Variants in RBM6 observed in about 807,000 individuals in gnomAD.
RBM6 encodes RNA binding motif protein 6.
RBM6 carries 23 observed loss-of-function variants against 140.4 expected under a neutral mutation model. The observed-to-expected ratio is 0.16, with a 90% CI of 0.12 to 0.23. RBM6 has a LOEUF of 0.23. Among genes scored for constraint, RBM6 ranks in the 10% least tolerant of loss-of-function variants. The pLI, the probability that RBM6 is intolerant of heterozygous loss-of-function variation, is 1.00. For synonymous variants in RBM6, 439 were observed against 475.6 expected, an observed-to-expected ratio of 0.92 and a Z score of 1.00; for missense variants, 1,139 against 1,386.7, an observed-to-expected ratio of 0.82 and a Z score of 2.84.
chr3:50,058,831 G>A lies in RBM6; in HGVS notation c.2130+269G>A, dbSNP rs375961840. Reference sequence around the variant, plus strand: ...CTCGGGAGGCTGAGGCAGGAGAATGGCGTGAACTCCGGAGGCGGAGCTTGC... The same window carrying A: ...CTCGGGAGGCTGAGGCAGGAGAATGACGTGAACTCCGGAGGCGGAGCTTGC... On this transcript the variant is annotated intron_variant, in intron 10 of 20. Coordinates refer to ENST00000266022, the MANE Select transcript of RBM6 (RefSeq NM_005777.3). 1.4e-4 allele frequency: 33 copies of A among 232,058 alleles called. No homozygotes were observed. In the East Asian group the frequency reaches 1.9e-3, roughly 13 times the overall value. The allele number at this position is 232,058 out of a possible 1,614,324, so 14.4% of individuals were successfully genotyped here. A position where few individuals can be genotyped will look rare whatever the true frequency, so the allele number is the denominator to read the frequency against.
At chr3:49,960,849 C>T (rs2883057) in intron 1 of RBM6, among the ~76,000 whole-genome samples, 77,270 of 151,438 alleles carry the variant, frequency 0.51, 20,795 homozygotes, top group African/African-American at 0.64. Flanking sequence ...TAAATACTTA[C>T]TTCATGTAGT....
At chr3:49,991,485 G>A (rs1045418606) in intron 5 of RBM6, among the ~76,000 whole-genome samples, 1 of 152,146 alleles carries the variant, frequency 6.6e-6, no homozygotes, top group African/African-American at 2.4e-5. Context: ...AAGCTATCTA[G>A]GGGCTTTCCA....
intron 2 of RBM6, among the ~76,000 whole-genome samples, chr3:49,963,248 T>C (rs970141176): frequency 5.9e-5 from 9 of 152,130 alleles, no homozygotes; most frequent in African/African-American, 2.2e-4. Context: ...ATTTGTTTGT[T>C]TTTTGAGACA....
At chr3:50,026,109 C>T (rs1226010414) in intron 6 of RBM6, among the ~76,000 whole-genome samples, 1 of 150,748 alleles carries the variant, frequency 6.6e-6, no homozygotes, top group African/African-American at 2.4e-5. Flanking sequence ...TTTTTTGAGA[C>T]GGAATCTCGC....
At chr3:50,071,388 T>G (rs1184082432) in intron 19 of RBM6, among the ~76,000 whole-genome samples, 20 of 152,234 alleles carry the variant, frequency 1.3e-4, no homozygotes, top group Non-Finnish European at 1.5e-5. Context: ...AGCAGGGTAT[T>G]GACTTAGCTT....
chr3:49,982,261 T>C (rs1036683021), intron 5 of RBM6, among the ~76,000 whole-genome samples: 55 of 146,324 alleles, frequency 3.8e-4, no homozygotes, highest in Non-Finnish European at 6.1e-4. Context: ...TCTTTTCTTT[T>C]CTTTTTTTTT....
intron 10 of RBM6, 143 bp downstream of exon 10, chr3:50,058,705 G>A: frequency 1.3e-6 from 1 of 766,894 alleles, no homozygotes; most frequent in Non-Finnish European, 2.1e-6. Flanking sequence ...ACGAGGTCAG[G>A]AAATCAAGAC....
intron 13 of RBM6, 28 bp from the exon 14 acceptor site, chr3:50,061,434 A>C: frequency 6.3e-7 from 1 of 1,587,190 alleles, no homozygotes; most frequent in Non-Finnish European, 8.5e-7. Context: ...ACAGAGACTA[A>C]CATTGGCTCT....
At chr3:50,022,204 A>G (rs2087527481) in intron 6 of RBM6, among the ~76,000 whole-genome samples, 1 of 152,160 alleles carries the variant, frequency 6.6e-6, no homozygotes, top group Admixed American at 6.6e-5. Flanking sequence ...TATTTTAACA[A>G]AATACTTGTA....
chr3:50,023,142 G>A (rs552331034), intron 6 of RBM6, among the ~76,000 whole-genome samples: 10 of 151,890 alleles, frequency 6.6e-5, no homozygotes, highest in Non-Finnish European at 8.8e-5. Context: ...GAGTATATTC[G>A]CTGAATACGA....
intron 5 of RBM6, among the ~76,000 whole-genome samples, chr3:49,990,219 T>C (rs1328331109): frequency 6.6e-6 from 1 of 152,178 alleles, no homozygotes; most frequent in African/African-American, 2.4e-5. Flanking sequence ...AGGGTATATT[T>C]ACACAAACTA....
chr3:50,040,018 G>A (rs913639743), intron 6 of RBM6, among the ~76,000 whole-genome samples: 4 of 152,084 alleles, frequency 2.6e-5, no homozygotes, highest in African/African-American at 9.7e-5. Context: ...CAAGACTACG[G>A]ATCCCTGGTT....
chr3:49,979,428 T>C (rs2085201678), intron 5 of RBM6, among the ~76,000 whole-genome samples: 1 of 151,694 alleles, frequency 6.6e-6, no homozygotes, highest in South Asian at 2.1e-4. Context: ...GATGTGTATT[T>C]GCTTACTTTG....
At chr3:49,955,054 C>T (rs914822086) in intron 1 of RBM6, among the ~76,000 whole-genome samples, 4 of 151,926 alleles carry the variant, frequency 2.6e-5, no homozygotes, top group South Asian at 2.1e-4. Context: ...CCACCGCACC[C>T]GGCCTTGCAC....
intron 11 of RBM6, 85 bp from the exon 12 acceptor site, chr3:50,060,870 GA>G (rs1435245650): frequency 7.2e-7 from 1 of 1,388,206 alleles, no homozygotes; most frequent in Non-Finnish European, 9.6e-7. Context: ...AGGAACAGAG[GA>G]TTTCTCGATA....
Position 49,968,532 on chromosome 3 carries a change from G to A in RBM6, c.1107G>A (p.Lys369=), listed in dbSNP as rs763440033. ...AAAGTCCAGTTCAAGACCAAGATAA[G>A]TCACAGCTTTCTGGACGTGAAGAGC... ...NSQSPVQDQD[K]SQLSGREEQS... Residue 369 remains lysine (K), a synonymous_variant, in exon 3 of 21, where the codon AAG becomes AAA. Transcript: ENST00000266022. 5.0e-6 allele frequency: 8 copies of A among 1,614,178 alleles called. No individual in the cohort carries two copies. Among genetic ancestry groups the A allele is most frequent in the Non-Finnish European group, 6.8e-6 (8 of 1,180,040 alleles).
intron 7 of RBM6, among the ~76,000 whole-genome samples, chr3:50,051,261 G>A (rs972734566): frequency 1.3e-5 from 2 of 152,160 alleles, no homozygotes; most frequent in African/African-American, 4.8e-5. Flanking sequence ...GATCACCTGA[G>A]CCCAGGAGGT....
chr3:49,989,467 C>T (rs2085715942), intron 5 of RBM6, among the ~76,000 whole-genome samples: 1 of 152,068 alleles, frequency 6.6e-6, no homozygotes, highest in Non-Finnish European at 1.5e-5. Context: ...CCCAGCTACT[C>T]AGGAGGCTGA....
At chr3:50,034,722 C>G (rs2088408061) in intron 6 of RBM6, among the ~76,000 whole-genome samples, 1 of 152,140 alleles carries the variant, frequency 6.6e-6, no homozygotes, top group Non-Finnish European at 1.5e-5. Flanking sequence ...GATCACAACA[C>G]TGCACTCCAG....
Sources: allele counts gnomAD v4.1 joint callset (sites outside exome capture counted in the v4.1 genomes callset), GRCh38; gene constraint gnomAD v4.1.1; transcripts MANE v1.5; gene names NCBI Gene and HGNC (gene_info 2026-07-23, HGNC 2026-07-21).